Variants in KATNA1 observed in about 807,000 individuals in gnomAD.
KATNA1 encodes katanin catalytic subunit A1, also known as katanin p60 ATPase-containing subunit A1.
KATNA1 carries 42 observed loss-of-function variants against 62.6 expected under a neutral mutation model. The ratio of observed to expected loss-of-function variants is 0.67; its 90% CI spans 0.52 to 0.87. The LOEUF is 0.87. Ranked by LOEUF, KATNA1 falls within the 40% of genes least tolerant of loss-of-function variation. The probability of loss-of-function intolerance (pLI) is 0.00; values close to 1 mark genes in which losing one functional copy is unlikely to be tolerated. For missense variants in KATNA1, 498 were observed against 612.5 expected, an observed-to-expected ratio of 0.81 and a Z score of 1.97; for synonymous variants, 186 against 201.9, an observed-to-expected ratio of 0.92 and a Z score of 0.67.
chr6:149,637,719 C>A (rs111928946), intron 2 of KATNA1, among the ~76,000 whole-genome samples: 1 of 151,816 alleles, frequency 6.6e-6, no homozygotes, highest in Admixed American at 6.6e-5. Context: ...CCCAGCTACT[C>A]GGGAGGCTTG....
At chr6:149,606,896 AG>A (rs1383587657) in intron 4 of KATNA1, among the ~76,000 whole-genome samples, 1 of 152,208 alleles carries the variant, frequency 6.6e-6, no homozygotes, top group African/African-American at 2.4e-5. Flanking sequence ...CTGGGATTAC[AG>A]GGGTGAGCCA....
At chr6:149,598,711 G>A (rs1411191210) in intron 7 of KATNA1, among the ~76,000 whole-genome samples, 1 of 150,672 alleles carries the variant, frequency 6.6e-6, no homozygotes, top group East Asian at 2.0e-4. Flanking sequence ...GGGTGACAGA[G>A]TGAGAACCTG....
rs752052720 is a variant in KATNA1 at position 149,597,131 on chromosome 6, A to G, written c.1209T>C (p.Asp403=). 3 of 1,614,170 alleles carry G rather than the reference A, an allele frequency of 1.9e-6. No homozygotes were observed. In the Admixed American group the frequency reaches 5.0e-5, roughly 27 times the overall value. The change falls in exon 10 of 11, where the codon GAT becomes GAC. Residue 403 remains aspartate (D), a synonymous_variant. Transcript: ENST00000367411. ...TTTCTGCTATACTTGCAAGGTCAACATCATCAGCCAATTCCAACTCACGTA... is the reference window on the plus strand; with the variant it reads ...TTTCTGCTATACTTGCAAGGTCAACGTCATCAGCCAATTCCAACTCACGTA... ...ISLRELELAD[D]VDLASIAENM... is the part of the protein sequence containing the mutation.
chr6:149,595,006 G>C lies in KATNA1; in HGVS notation c.*30C>G, dbSNP rs751613242. 1.3e-6 allele frequency: 2 copies of C among 1,550,076 alleles called. No homozygotes were observed. The highest frequency in any genetic ancestry group is 2.2e-5 in the East Asian group (1 of 44,478). On this transcript the variant is annotated 3_prime_UTR_variant, in exon 11 of 11. Coordinates refer to ENST00000367411, the MANE Select transcript of KATNA1 (RefSeq NM_007044.4). ...TGCATTTAATATTCAAACACTTAAGGCACATTTCTCACAGTTTACATGTGA... is the reference window on the plus strand; with the variant it reads ...TGCATTTAATATTCAAACACTTAAGCCACATTTCTCACAGTTTACATGTGA...
intron 1 of KATNA1, among the ~76,000 whole-genome samples, chr6:149,648,042 C>T (rs1780553763): frequency 6.6e-6 from 1 of 152,166 alleles, no homozygotes; most frequent in South Asian, 2.1e-4. Context: ...GAAATAACAT[C>T]CCCAACAATA....
chr6:149,604,944 A>T lies in KATNA1; in HGVS notation c.502-162T>A, dbSNP rs375604522. Among the ~76,000 whole-genome samples, 6 of 152,258 alleles carry T rather than the reference A, an allele frequency of 3.9e-5. No individual in the cohort carries two copies. The East Asian group carries it at 1.2e-3, about 29-fold the overall frequency. On this transcript the variant is annotated intron_variant, in intron 4 of 10. Transcript: ENST00000367411. The stretch of plus-strand genomic sequence containing the variant: ...AATCCCAGCACTTTGGGAGGCCAAG[A>T]TGGGTGGATCACGAGGTCAGGAAAT...
intron 4 of KATNA1, among the ~76,000 whole-genome samples, chr6:149,615,693 C>A (rs1187158343): frequency 6.6e-6 from 1 of 151,898 alleles, no homozygotes. Flanking sequence ...GGTAGGGGCG[C>A]GGATCACTGG....
rs548643950 is a variant in KATNA1, at chr6:149,640,525, GGGGTTTTTTT to G, written c.-13-1975_-13-1966del. ...CCAGATGATTTCTGTAAGTATGGTG[GGGGTTTTTTT>G]GGGTTTTTTTGGGTTTTGTTTTTGT... On this transcript the variant is annotated intron_variant, in intron 1 of 10. Coordinates refer to ENST00000367411, the MANE Select transcript of KATNA1 (RefSeq NM_007044.4). Among the ~76,000 whole-genome samples the G allele has an allele frequency of 4.9e-3, 744 of 151,898 alleles. 3 individuals carry two copies. The highest frequency in any genetic ancestry group is 0.013 in the African/African-American group (541 of 41,420).
Position 149,601,762 on chromosome 6 carries a change from A to ATT in KATNA1, c.730-11_730-10insAA. 3 of 1,572,560 alleles carry ATT rather than the reference A, an allele frequency of 1.9e-6. No individual in the cohort carries two copies. The highest frequency in any genetic ancestry group is 2.6e-6 in the Non-Finnish European group (3 of 1,160,546). ...CGACCATCAGTACTCCCTGTTGCGAATATAATAGCCTCAGCAGAGGATTTA... is the reference window on the plus strand; with the variant it reads ...CGACCATCAGTACTCCCTGTTGCGAATTTATAATAGCCTCAGCAGAGGATTTA... On this transcript the variant is annotated splice_polypyrimidine_tract_variant and intron_variant, in intron 6 of 10. Transcript: ENST00000367411.
At chr6:149,636,686 GC>G (rs1375068694) in intron 2 of KATNA1, among the ~76,000 whole-genome samples, 20 of 151,776 alleles carry the variant, frequency 1.3e-4, no homozygotes, top group African/African-American at 4.4e-4. Flanking sequence ...CTGTTGCCAG[GC>G]TGGAGTGCAA....
At position 149,601,742 on chromosome 6, in the gene KATNA1, ATCAGTACTCCC is replaced by A. The variant is rs748924536; in HGVS notation, c.730-1_739del. 6.2e-7 allele frequency: 1 copy of A among 1,602,232 alleles called. No homozygotes were observed. The highest frequency in any genetic ancestry group is 8.5e-7 in the Non-Finnish European group (1 of 1,175,302). ...CTTCCCCGTGCCAGGTGGGCCGACCATCAGTACTCCCTGTTGCGAATATAATAGCCTCAGCA... is the reference window on the plus strand; with the variant it reads ...CTTCCCCGTGCCAGGTGGGCCGACCATGTTGCGAATATAATAGCCTCAGCA... On this transcript the variant is annotated splice_acceptor_variant and coding_sequence_variant, in exon 7 of 11. Transcript: ENST00000367411. LOFTEE classifies it high-confidence loss of function.
rs75430075 is a variant in KATNA1, at chr6:149,641,829, A to G, written c.-13-3269T>C. 3.3e-3 allele frequency among the ~76,000 whole-genome samples: 496 copies of G among 152,352 alleles called. 4 individuals carry two copies. The highest frequency in any genetic ancestry group is 0.012 in the African/African-American group (481 of 41,594). On this transcript the variant is annotated intron_variant, in intron 1 of 10. Transcript: ENST00000367411. Reference sequence around the variant, plus strand: ...AGGACAATTCACAGAAGGGAAACCCAAACAGCTAACAAGCACAGACAGGAG... The same window carrying G: ...AGGACAATTCACAGAAGGGAAACCCGAACAGCTAACAAGCACAGACAGGAG...
intron 8 of KATNA1, 43 bp downstream of exon 8, chr6:149,598,174 CACACCTA>C (rs777009735): frequency 6.2e-7 from 1 of 1,603,420 alleles, no homozygotes; most frequent in Admixed American, 1.7e-5. Flanking sequence ...CTGGAGACAC[CACACCTA>C]ACAACCTCCC....
At chr6:149,608,821 G>T (rs918817475) in intron 4 of KATNA1, among the ~76,000 whole-genome samples, 2 of 152,156 alleles carry the variant, frequency 1.3e-5, no homozygotes, top group Admixed American at 1.3e-4. Context: ...TAATGAGAAG[G>T]CCTCTGCCCC....
chr6:149,596,391 C>T (rs919591216), intron 10 of KATNA1, among the ~76,000 whole-genome samples: 3 of 152,074 alleles, frequency 2.0e-5, no homozygotes, highest in African/African-American at 7.2e-5. Context: ...AAAAATTAGC[C>T]AGGTGTGGTG....
rs568916323 is a variant in KATNA1, at chr6:149,597,075, G to A, written c.1265C>T (p.Thr422Ile). ...NMEGYSGADI[T>I]NVCRDASLMA... ...TGATAATTCATACCTGCACACGTTGGTAATGTCCGCACCTGAATAACCTTC... is the reference window on the plus strand; with the variant it reads ...TGATAATTCATACCTGCACACGTTGATAATGTCCGCACCTGAATAACCTTC... The change falls in exon 10 of 11, where the codon ACC (threonine) becomes ATC (isoleucine). Residue 422 changes from threonine to isoleucine, a missense_variant. Coordinates refer to ENST00000367411, the MANE Select transcript of KATNA1 (RefSeq NM_007044.4). 6.2e-7 allele frequency: 1 copy of A among 1,614,030 alleles called. No individual in the cohort carries two copies. The highest frequency in any genetic ancestry group is 1.7e-5 in the Admixed American group (1 of 59,978).
chr6:149,594,874 T>C lies in KATNA1; in HGVS notation c.*162A>G, dbSNP rs1371113279. On this transcript the variant is annotated 3_prime_UTR_variant, in exon 11 of 11. Transcript: ENST00000367411. ...CTAGTAATGCTAAAGTAAAACAAAT[T>C]TTCAGCTTAAAAATATTGCCTTTAT... The C allele has an allele frequency of 5.5e-6, 3 of 547,190 alleles. No individual in the cohort carries two copies. Among genetic ancestry groups the C allele is most frequent in the Non-Finnish European group, 9.3e-6 (3 of 324,176 alleles). The allele number at this position is 547,190 out of a possible 1,614,324, so 33.9% of individuals were successfully genotyped here.
At chr6:149,633,911 C>T (rs893563116) in intron 2 of KATNA1, among the ~76,000 whole-genome samples, 2 of 151,754 alleles carry the variant, frequency 1.3e-5, no homozygotes, top group Non-Finnish European at 2.9e-5. Context: ...AGCCGGAGAT[C>T]ACACCATTGC....
intron 10 of KATNA1, among the ~76,000 whole-genome samples, chr6:149,596,467 A>G (rs1778314294): frequency 6.6e-6 from 1 of 152,244 alleles, no homozygotes; most frequent in African/African-American, 2.4e-5. Context: ...CCCAGGAGGC[A>G]AAGGTTGCAG....
Sources: gnomAD v4.1 joint callset for allele counts (sites outside exome capture counted in the v4.1 genomes callset) on GRCh38, gnomAD v4.1.1 for gene constraint, MANE v1.5 for transcripts, NCBI Gene and HGNC (gene_info 2026-07-23, HGNC 2026-07-21) for gene names.